Variants in ARNT2 observed in about 807,000 individuals in gnomAD.
The protein encoded by ARNT2 is aryl hydrocarbon receptor nuclear translocator 2.
A neutral mutation model predicts 91.7 loss-of-function variants in ARNT2; 36 were observed. The ratio of observed to expected loss-of-function variants is 0.39; its 90% CI spans 0.30 to 0.52. The LOEUF is 0.52. ARNT2 is among the 20% of genes least tolerant of loss of function. The pLI is 0.72. For synonymous variants in ARNT2, 365 were observed against 347.1 expected (o/e 1.05, Z -0.57); for missense variants, 775 against 939.3 (o/e 0.83, Z 2.29).
intron 11 of ARNT2, among the ~76,000 whole-genome samples, chr15:80,558,392 A>C (rs1898243022): frequency 7.2e-6 from 1 of 138,096 alleles, no homozygotes; most frequent in South Asian, 2.2e-4. Context: ...GCTGGAGTGC[A>C]GTAGTGGCAC....
intron 14 of ARNT2, 92 bp from the exon 15 acceptor site, chr15:80,576,774 C>A: frequency 2.2e-6 from 3 of 1,367,180 alleles, no homozygotes; most frequent in Non-Finnish European, 2.1e-6. Context: ...CCCGTTCCCA[C>A]GCCCACCCCT....
chr15:80,422,707 G>C (rs771995822), intron 1 of ARNT2, among the ~76,000 whole-genome samples: 3 of 152,156 alleles, frequency 2.0e-5, no homozygotes, highest in Non-Finnish European at 2.9e-5. Context: ...AGGTAAAGCT[G>C]TGTAGTTTAG....
chr15:80,463,595 T>G (rs1366658352), intron 3 of ARNT2, among the ~76,000 whole-genome samples: 5 of 96,392 alleles, frequency 5.2e-5, no homozygotes, highest in Admixed American at 4.3e-4. Flanking sequence ...TTTTTTTTTT[T>G]GAGACGGAGT....
At chr15:80,590,993 C>T (rs1893269431) in intron 17 of ARNT2, among the ~76,000 whole-genome samples, 1 of 152,130 alleles carries the variant, frequency 6.6e-6, no homozygotes, top group Non-Finnish European at 1.5e-5. Flanking sequence ...TGTAGGGGGA[C>T]CTTGTATAAT....
At chr15:80,414,924 G>A (rs1036581407) in intron 1 of ARNT2, among the ~76,000 whole-genome samples, 1 of 152,196 alleles carries the variant, frequency 6.6e-6, no homozygotes, top group Non-Finnish European at 1.5e-5. Context: ...GCATAAAACA[G>A]GTTGGCTACG....
intron 6 of ARNT2, among the ~76,000 whole-genome samples, chr15:80,508,622 C>G (rs1046939221): frequency 2.0e-5 from 3 of 152,198 alleles, no homozygotes; most frequent in Admixed American, 6.5e-5. Flanking sequence ...TGATTTCACA[C>G]TTATTCATAT....
intron 12 of ARNT2, among the ~76,000 whole-genome samples, chr15:80,567,511 A>C (rs1898507454): frequency 6.6e-6 from 1 of 152,158 alleles, no homozygotes. Flanking sequence ...GCAGAGAATA[A>C]ATACTTCCCC....
intron 8 of ARNT2, among the ~76,000 whole-genome samples, chr15:80,544,220 G>C (rs963842211): frequency 6.6e-6 from 1 of 152,174 alleles, no homozygotes; most frequent in Non-Finnish European, 1.5e-5. Flanking sequence ...TGTTTTGGCA[G>C]CTTGGTCTGT....
chr15:80,453,073 C>T (rs1896425445), intron 2 of ARNT2, among the ~76,000 whole-genome samples: 1 of 152,344 alleles, frequency 6.6e-6, no homozygotes, highest in East Asian at 1.9e-4. Flanking sequence ...CATCTAGCTT[C>T]AGTCCCATTT....
intron 8 of ARNT2, among the ~76,000 whole-genome samples, chr15:80,540,804 A>G (rs967240606): frequency 2.0e-5 from 3 of 152,054 alleles, no homozygotes; most frequent in Non-Finnish European, 4.4e-5. Flanking sequence ...AGCTGCATCC[A>G]TGTTGCTGCA....
intron 2 of ARNT2, among the ~76,000 whole-genome samples, chr15:80,456,551 T>C (rs1375122333): frequency 2.0e-5 from 3 of 152,176 alleles, no homozygotes; most frequent in Admixed American, 2.0e-4. Context: ...AGAAAATACT[T>C]CTTTGCCTTA....
At chr15:80,406,620 G>A (rs1277549398) in intron 1 of ARNT2, among the ~76,000 whole-genome samples, 4 of 152,156 alleles carry the variant, frequency 2.6e-5, no homozygotes, top group Non-Finnish European at 4.4e-5. Context: ...AACTGCCCCT[G>A]GCCCCGTGGT....
intron 2 of ARNT2, 28 bp from the exon 3 acceptor site, chr15:80,457,901 G>A (rs1896502246): frequency 6.2e-7 from 1 of 1,613,400 alleles, no homozygotes; most frequent in African/African-American, 1.3e-5. Context: ...CTAATAATCA[G>A]TGCTCACTTG....
At chr15:80,444,853 G>A (rs933994992) in intron 1 of ARNT2, 1 of 150,226 alleles carries the variant, frequency 6.7e-6, no homozygotes, top group African/African-American at 2.5e-5. Flanking sequence ...TATGTGTTGA[G>A]TGATGTGAGT....
rs1257754068 is a variant in ARNT2 at position 80,421,462 on chromosome 15, A to AAGGT, written c.31+16917_31+16918insGGTA. ...GAGGGAAAGAAAGAAGGAAGGAAGG[A>AAGGT]AAGCTGTCATCACAATATTAAAATC... On this transcript the variant is annotated intron_variant, in intron 1 of 18. Transcript: ENST00000303329. Among the ~76,000 whole-genome samples the AAGGT allele has an allele frequency of 2.6e-5, 4 of 152,090 alleles. No individual in the cohort carries two copies. The East Asian group carries it at 7.7e-4, about 29-fold the overall frequency.
chr15:80,593,594 C>A lies in ARNT2; in HGVS notation c.2056-6C>A. ...CCCTGTGGCTCTCTTTTCCTCTCCT[C>A]TGCAGGACATGCTGCCCATGCCAGG... is the stretch of plus-strand genomic sequence containing the variant. On this transcript the variant is annotated splice_region_variant and splice_polypyrimidine_tract_variant and intron_variant, in intron 18 of 18. Transcript: ENST00000303329. 3 of 1,585,062 alleles carry A rather than the reference C, an allele frequency of 1.9e-6. No individual in the cohort carries two copies. The highest frequency in any genetic ancestry group is 1.8e-5 in the Admixed American group (1 of 56,928).
At chr15:80,580,177 C>G (rs535636108) in intron 15 of ARNT2, 18 of 539,534 alleles carry the variant, frequency 3.3e-5, no homozygotes, top group Non-Finnish European at 5.4e-5. Flanking sequence ...AGAGGAAGTA[C>G]CAGACTACTA....
chr15:80,586,634 G>A (rs78837539), intron 17 of ARNT2, among the ~76,000 whole-genome samples: 174 of 152,234 alleles, frequency 1.1e-3, no homozygotes, highest in African/African-American at 4.0e-3. Context: ...GGGAGGCCGA[G>A]GTGGGTTGAT....
intron 5 of ARNT2, among the ~76,000 whole-genome samples, chr15:80,495,663 A>G (rs1897116211): frequency 6.6e-6 from 1 of 152,056 alleles, no homozygotes; most frequent in South Asian, 2.1e-4. Flanking sequence ...TCATTTTGAG[A>G]GCTTGACTCC....
Sources: gnomAD v4.1 joint callset for allele counts (sites outside exome capture counted in the v4.1 genomes callset) on GRCh38, gnomAD v4.1.1 for gene constraint, MANE v1.5 for transcripts, NCBI Gene and HGNC (gene_info 2026-07-23, HGNC 2026-07-21) for gene names.